MICAL3: variants seen among roughly 807,000 people sequenced by gnomAD.
MICAL3 encodes [F-actin]-monooxygenase MICAL3.
A neutral mutation model predicts 207.4 loss-of-function variants in MICAL3; 62 were observed. The observed-to-expected ratio is 0.30, with a 90% CI of 0.24 to 0.37. The LOEUF is 0.37. MICAL3 is among the 10% of genes least tolerant of loss of function. The pLI, the probability that MICAL3 is intolerant of heterozygous loss-of-function variation, is 1.00. For missense variants in MICAL3, 2,368 were observed against 2,635.6 expected (o/e 0.90, Z 2.22); for synonymous variants, 1,077 against 1,069.3 (o/e 1.01, Z -0.14).
chr22:17,792,654 C>T (rs992404532), intron 29 of MICAL3, among the ~76,000 whole-genome samples: 5 of 152,244 alleles, frequency 3.3e-5, no homozygotes, highest in Admixed American at 1.3e-4. Context: ...CCAGTGGCCA[C>T]ACCAAGGAGG....
chr22:17,959,002 G>A (rs1370401175), intron 1 of MICAL3, among the ~76,000 whole-genome samples: 4 of 143,586 alleles, frequency 2.8e-5, no homozygotes, highest in African/African-American at 5.2e-5. Context: ...CACTGCGCCG[G>A]GCCTGGGGTT....
chr22:17,817,828 G>A lies in MICAL3; in HGVS notation c.4833C>T (p.Asp1611=), dbSNP rs11704160. The change falls in exon 26 of 32, where the codon GAC becomes GAT. Residue 1611 remains aspartate, a synonymous_variant. Coordinates refer to ENST00000441493, the MANE Select transcript of MICAL3 (RefSeq NM_015241.3). ...EKSVKSQALR[D]AMARQLSRMQ... Reference sequence around the variant, plus strand: ...TCCTGCTCAGCTGCCTGGCCATGGCGTCCCGCAGCGCCTGGCTCTTCACGG... The same window carrying A: ...TCCTGCTCAGCTGCCTGGCCATGGCATCCCGCAGCGCCTGGCTCTTCACGG... 481,153 of 1,610,190 alleles carry A rather than the reference G, an allele frequency of 0.3. 76,956 individuals carry two copies. The highest frequency in any genetic ancestry group is 0.33 in the Non-Finnish European group (392,494 of 1,178,614).
At chr22:17,844,602 ATTCACATAC>A (rs1347968379) in intron 19 of MICAL3, among the ~76,000 whole-genome samples, 2 of 152,252 alleles carry the variant, frequency 1.3e-5, no homozygotes, top group African/African-American at 2.4e-5. Context: ...CCAGTGGCGT[ATTCACATAC>A]AAATTCAGGT....
intron 1 of MICAL3, among the ~76,000 whole-genome samples, chr22:17,927,812 G>A (rs1448070154): frequency 6.6e-6 from 1 of 152,090 alleles, no homozygotes; most frequent in African/African-American, 2.4e-5. Context: ...GCCCTTCTCA[G>A]AACAACTTTG....
chr22:17,964,668 T>A (rs1398364373), intron 1 of MICAL3, among the ~76,000 whole-genome samples: 1 of 152,184 alleles, frequency 6.6e-6, no homozygotes. Flanking sequence ...GGAAATCTGG[T>A]CCACAAATAA....
chr22:18,005,607 T>A (rs916377511), intron 1 of MICAL3: 1 of 152,174 alleles, frequency 6.6e-6, no homozygotes, highest in African/African-American at 2.4e-5. Flanking sequence ...AAGGGTGAGA[T>A]CACTGTGGAC....
At chr22:17,861,236 G>A (rs1027874443) in intron 19 of MICAL3, 1 of 985,266 alleles carries the variant, frequency 1.0e-6, no homozygotes, top group Non-Finnish European at 1.2e-6. Context: ...TGTGGGAAAG[G>A]CCTGCATTTC....
chr22:17,877,540 TGGAGGTGAG>T (rs1162426099), intron 16 of MICAL3, among the ~76,000 whole-genome samples: 5 of 98,048 alleles, frequency 5.1e-5, no homozygotes, highest in African/African-American at 7.8e-5. Context: ...AGGGAGGTTA[TGGAGGTGAG>T]GGAGGTTATG....
At chr22:17,953,106 G>A (rs1295548330) in intron 1 of MICAL3, among the ~76,000 whole-genome samples, 2 of 152,102 alleles carry the variant, frequency 1.3e-5, no homozygotes, top group South Asian at 2.1e-4. Context: ...CCCTGCACAC[G>A]CAGTTTGCAG....
At chr22:17,956,980 A>G (rs1001754890) in intron 1 of MICAL3, among the ~76,000 whole-genome samples, 11 of 152,242 alleles carry the variant, frequency 7.2e-5, no homozygotes, top group Admixed American at 6.5e-4. Flanking sequence ...AGATATAAGC[A>G]GAAGTGTGTG....
At chr22:17,932,920 A>G (rs562075858) in intron 1 of MICAL3, among the ~76,000 whole-genome samples, 10 of 152,250 alleles carry the variant, frequency 6.6e-5, no homozygotes, top group Non-Finnish European at 1.5e-4. Flanking sequence ...AGAAGAGTTA[A>G]CTATCCTAAA....
chr22:17,992,876 G>A (rs1409142437), intron 1 of MICAL3, among the ~76,000 whole-genome samples: 1 of 152,146 alleles, frequency 6.6e-6, no homozygotes, highest in Non-Finnish European at 1.5e-5. Flanking sequence ...CAGCTTCCCT[G>A]CTGTAAAATG....
At chr22:17,795,822 A>T (rs2061870391) in intron 29 of MICAL3, among the ~76,000 whole-genome samples, 1 of 149,160 alleles carries the variant, frequency 6.7e-6, no homozygotes, top group Non-Finnish European at 1.5e-5. Flanking sequence ...CAATTTTCAA[A>T]AGAAGAAGTG....
intron 1 of MICAL3, among the ~76,000 whole-genome samples, chr22:17,909,514 G>A (rs1931975793): frequency 6.6e-6 from 1 of 152,162 alleles, no homozygotes; most frequent in African/African-American, 2.4e-5. Flanking sequence ...GACAGAGTGA[G>A]ACCCTGTCTC....
intron 19 of MICAL3, among the ~76,000 whole-genome samples, chr22:17,857,169 C>T (rs1035614096): frequency 1.3e-5 from 2 of 152,178 alleles, no homozygotes; most frequent in African/African-American, 4.8e-5. Flanking sequence ...CGCTGTGGCC[C>T]GGGCTGGGTC....
chr22:17,800,479 A>C (rs971619535), intron 29 of MICAL3, among the ~76,000 whole-genome samples: 1 of 152,214 alleles, frequency 6.6e-6, no homozygotes, highest in Non-Finnish European at 1.5e-5. Context: ...TGGAAATCAC[A>C]AAGTCCAGCT....
At chr22:17,980,157 T>C (rs1039036160) in intron 1 of MICAL3, among the ~76,000 whole-genome samples, 6 of 152,074 alleles carry the variant, frequency 3.9e-5, no homozygotes, top group South Asian at 4.1e-4. Context: ...AAGTGGGTAA[T>C]ATGAGCTCTT....
At chr22:17,973,565 T>G (rs1452008553) in intron 1 of MICAL3, among the ~76,000 whole-genome samples, 1 of 152,062 alleles carries the variant, frequency 6.6e-6, no homozygotes, top group Non-Finnish European at 1.5e-5. Context: ...AGAGTTTGGG[T>G]GTCTGCTGTG....
intron 16 of MICAL3, among the ~76,000 whole-genome samples, chr22:17,878,517 G>A (rs772020149): frequency 1.6e-4 from 25 of 152,316 alleles, no homozygotes; most frequent in Middle Eastern, 3.4e-3. Context: ...TATCGGGTCC[G>A]AGGGGTAACC....
Sources: gnomAD v4.1 joint callset for allele counts (sites outside exome capture counted in the v4.1 genomes callset) on GRCh38, gnomAD v4.1.1 for gene constraint, MANE v1.5 for transcripts, NCBI Gene and HGNC (gene_info 2026-07-23, HGNC 2026-07-21) for gene names.